B3GNT2: variants seen among roughly 807,000 people sequenced by gnomAD.
B3GNT2 encodes the protein N-acetyllactosaminide beta-1,3-N-acetylglucosaminyltransferase 2.
A neutral mutation model predicts 27.6 loss-of-function variants in B3GNT2; 12 were observed. The ratio of observed to expected loss-of-function variants is 0.44; its 90% CI spans 0.28 to 0.71. The LOEUF (loss-of-function observed/expected upper bound fraction) is 0.71. Ranked by LOEUF, B3GNT2 falls within the 30% of genes least tolerant of loss-of-function variation. B3GNT2 has a pLI of 0.17. For missense variants in B3GNT2, 413 were observed against 488.5 expected (o/e 0.85, Z 1.46); for synonymous variants, 192 against 189.7 (o/e 1.01, Z -0.10).
At chr2:62,205,275 C>T (rs1215061164) in intron 1 of B3GNT2, among the ~76,000 whole-genome samples, 1 of 152,128 alleles carries the variant, frequency 6.6e-6, no homozygotes, top group Non-Finnish European at 1.5e-5. Flanking sequence ...TTTACTGTGG[C>T]GACAAAAACT....
chr2:62,217,374 C>T (rs1674595859), intron 1 of B3GNT2, among the ~76,000 whole-genome samples: 1 of 152,176 alleles, frequency 6.6e-6, no homozygotes, highest in African/African-American at 2.4e-5. Flanking sequence ...TGTCCACCCA[C>T]CCCGTGCCCC....
intron 1 of B3GNT2, among the ~76,000 whole-genome samples, chr2:62,208,966 T>A (rs1674430752): frequency 6.6e-6 from 1 of 151,908 alleles, no homozygotes; most frequent in South Asian, 2.1e-4. Context: ...GGCAGTGGGG[T>A]GGGAGGAAGA....
intron 1 of B3GNT2, among the ~76,000 whole-genome samples, chr2:62,209,669 G>A (rs544136794): frequency 4.5e-4 from 68 of 152,270 alleles, no homozygotes; most frequent in African/African-American, 1.6e-3. Context: ...AGATGGTACA[G>A]TTGGTGGGTA....
chr2:62,204,281 C>T (rs1674326515), intron 1 of B3GNT2, among the ~76,000 whole-genome samples: 1 of 138,524 alleles, frequency 7.2e-6, no homozygotes, highest in Non-Finnish European at 1.6e-5. Flanking sequence ...CTGCCTTGGC[C>T]TCCCAAAGTG....
rs982526647 is a variant in B3GNT2 at position 62,222,025 on chromosome 2, GA to G, written c.-9-186del. ...CCCATTTTATATATGGAGAAGTTGA[GA>G]CAGGGACTATCCCACTTGCCCATGA... On this transcript the variant is annotated intron_variant, in intron 1 of 1. Transcript: ENST00000301998. The surrounding 1 kb of genome is among the most constrained non-coding windows in gnomAD (Gnocchi z 4.2). 1.3e-5 allele frequency among the ~76,000 whole-genome samples: 2 copies of G among 152,310 alleles called. No homozygotes were observed. The highest frequency in any genetic ancestry group is 3.9e-4 in the East Asian group (2 of 5,190).
rs760823706 is a variant in B3GNT2 at position 62,222,599 on chromosome 2, A to G, written c.379A>G (p.Asn127Asp). 3.7e-6 allele frequency: 6 copies of G among 1,614,222 alleles called. 1 individual carries two copies. The South Asian group carries it at 5.5e-5, about 15-fold the overall frequency. Reference protein sequence around the residue: ...KDFLLYLRCRNYSLLIDQPDK... With the variant: ...KDFLLYLRCRDYSLLIDQPDK... ...CTTTCTGCTGTATTTGAGATGCCGC[A>G]ATTATTCACTGCTTATAGATCAGCC... The change falls in exon 2 of 2, where the codon AAT (asparagine) becomes GAT (aspartate). Residue 127 changes from asparagine to aspartate, a missense_variant. Physicochemically the swap from Asn to Asp is conservative, Grantham distance 23. Transcript: ENST00000301998. This position sits in a 1 kb window ranked among gnomAD's most constrained non-coding sequence, Gnocchi z 4.2.
chr2:62,205,761 G>A (rs987834710), intron 1 of B3GNT2: 1 of 152,528 alleles, frequency 6.6e-6, no homozygotes, highest in African/African-American at 2.4e-5. Flanking sequence ...GCATTTAGTG[G>A]CTGTGTGCCG....
chr2:62,201,238 T>C (rs548586533), intron 1 of B3GNT2, among the ~76,000 whole-genome samples: 43 of 152,364 alleles, frequency 2.8e-4, no homozygotes, highest in Middle Eastern at 3.4e-3. Context: ...TAAGATGTAT[T>C]ATTTGTTAGT....
At chr2:62,199,501 A>G (rs905162957) in intron 1 of B3GNT2, among the ~76,000 whole-genome samples, 2 of 152,230 alleles carry the variant, frequency 1.3e-5, no homozygotes, top group African/African-American at 4.8e-5. Flanking sequence ...TGCAACTAGG[A>G]TAATACTTGG....
At chr2:62,218,380 A>G (rs1385488299) in intron 1 of B3GNT2, among the ~76,000 whole-genome samples, 1 of 152,220 alleles carries the variant, frequency 6.6e-6, no homozygotes, top group Non-Finnish European at 1.5e-5. Flanking sequence ...TTGGCTTGAA[A>G]GAAATACCCT....
intron 1 of B3GNT2, among the ~76,000 whole-genome samples, chr2:62,201,911 T>C (rs892861944): frequency 5.3e-5 from 8 of 152,206 alleles, no homozygotes; most frequent in Non-Finnish European, 1.2e-4. Flanking sequence ...AGAGTCTTCG[T>C]AGGCCTAAGT....
At chr2:62,198,877 G>A (rs1320260966) in intron 1 of B3GNT2, among the ~76,000 whole-genome samples, 1 of 152,158 alleles carries the variant, frequency 6.6e-6, no homozygotes, top group Non-Finnish European at 1.5e-5. Context: ...TTTTTCAGCT[G>A]ATGCAGGGAT....
intron 1 of B3GNT2, among the ~76,000 whole-genome samples, chr2:62,211,265 G>T (rs1674476599): frequency 6.6e-6 from 1 of 152,068 alleles, no homozygotes; most frequent in African/African-American, 2.4e-5. Context: ...GAAGTGTGGG[G>T]GCATCGATTG....
At chr2:62,203,047 T>A (rs1674300502) in intron 1 of B3GNT2, among the ~76,000 whole-genome samples, 1 of 152,228 alleles carries the variant, frequency 6.6e-6, no homozygotes, top group Non-Finnish European at 1.5e-5. Flanking sequence ...TCATATTTCA[T>A]CTAAGTGTTT....
chr2:62,222,951 G>A lies in B3GNT2; in HGVS notation c.731G>A (p.Gly244Asp). 6.2e-7 allele frequency: 1 copy of A among 1,614,104 alleles called. No homozygotes were observed. Among genetic ancestry groups the A allele is most frequent in the Non-Finnish European group, 8.5e-7 (1 of 1,180,008 alleles). Reference sequence around the variant, plus strand: ...CCAGACACTGAGTTTGTTTTCAAGGGCGATGACGATGTTTTTGTGAACACC... The same window carrying A: ...CCAGACACTGAGTTTGTTTTCAAGGACGATGACGATGTTTTTGTGAACACC... ...SCPDTEFVFK[G>D]DDDVFVNTHH... Residue 244 changes from glycine to aspartate, a missense_variant, in exon 2 of 2, where the codon GGC becomes GAC. Coordinates refer to ENST00000301998, the MANE Select transcript of B3GNT2 (RefSeq NM_006577.6). This position sits in a 1 kb window ranked among gnomAD's most constrained non-coding sequence, Gnocchi z 4.2.
intron 1 of B3GNT2, among the ~76,000 whole-genome samples, chr2:62,208,912 T>G (rs973335965): frequency 1.4e-4 from 21 of 151,918 alleles, no homozygotes; most frequent in African/African-American, 5.1e-4. Flanking sequence ...GAGGTGGTGG[T>G]AACAGCAAGG....
intron 1 of B3GNT2, among the ~76,000 whole-genome samples, chr2:62,218,456 A>G (rs1022541919): frequency 6.6e-6 from 1 of 152,188 alleles, no homozygotes; most frequent in Non-Finnish European, 1.5e-5. Context: ...TTTACAAGAA[A>G]GGCTGATCTG....
At chr2:62,198,261 C>G (rs930017662) in intron 1 of B3GNT2, among the ~76,000 whole-genome samples, 6 of 152,196 alleles carry the variant, frequency 3.9e-5, no homozygotes, top group Non-Finnish European at 7.3e-5. Context: ...ATTCAGTGAT[C>G]TTGGGCAAGT....
At chr2:62,212,210 A>G (rs1258699755) in intron 1 of B3GNT2, among the ~76,000 whole-genome samples, 1 of 152,114 alleles carries the variant, frequency 6.6e-6, no homozygotes, top group Non-Finnish European at 1.5e-5. Context: ...ATATGTGTGC[A>G]TGCGCATGCT....
Sources: allele counts gnomAD v4.1 joint callset (sites outside exome capture counted in the v4.1 genomes callset), GRCh38; gene constraint gnomAD v4.1.1; non-coding constraint Gnocchi (gnomAD v3.1); transcripts MANE v1.5; gene names NCBI Gene and HGNC (gene_info 2026-07-23, HGNC 2026-07-21).